Variants in ROBO2 observed in about 807,000 individuals in gnomAD.
ROBO2 encodes the protein roundabout guidance receptor 2.
In ROBO2, 53 loss-of-function variants were observed where a neutral mutation model predicts 160.8. That is an observed-to-expected ratio of 0.33 (90% CI 0.26 to 0.41). The LOEUF (loss-of-function observed/expected upper bound fraction) is 0.41. Ranked by LOEUF, ROBO2 falls within the 10% of genes least tolerant of loss-of-function variation. The pLI, the probability that ROBO2 is intolerant of heterozygous loss-of-function variation, is 1.00. For synonymous variants in ROBO2, 664 were observed against 611.7 expected (o/e 1.09, Z -1.26); for missense variants, 1,577 against 1,722.4 (o/e 0.92, Z 1.49).
At chr3:77,287,004 C>T (rs2060647838) in intron 2 of ROBO2, among the ~76,000 whole-genome samples, 1 of 152,178 alleles carries the variant, frequency 6.6e-6, no homozygotes, top group South Asian at 2.1e-4. Context: ...GGTTGCCATT[C>T]GTTTGAGCTC....
intron 22 of ROBO2, among the ~76,000 whole-genome samples, chr3:77,621,447 A>G (rs2094898615): frequency 6.6e-6 from 1 of 151,878 alleles, no homozygotes; most frequent in Non-Finnish European, 1.5e-5. Context: ...AAATAAATAA[A>G]TAAATAAATA....
chr3:76,214,016 C>T (rs1179274584), intron 2 of ROBO2, among the ~76,000 whole-genome samples: 2 of 152,030 alleles, frequency 1.3e-5, no homozygotes, highest in East Asian at 1.9e-4. Context: ...CCAGAAGCAC[C>T]CTCACAGATG....
intron 2 of ROBO2, among the ~76,000 whole-genome samples, chr3:76,993,059 C>T (rs1171165065): frequency 6.6e-6 from 1 of 152,108 alleles, no homozygotes; most frequent in Admixed American, 6.5e-5. Context: ...CTCAAGTGAG[C>T]CACCTGCCTC....
intron 2 of ROBO2, among the ~76,000 whole-genome samples, chr3:76,073,357 G>A (rs6795962): frequency 1.6e-5 from 2 of 123,796 alleles, no homozygotes; most frequent in Non-Finnish European, 3.2e-5. Context: ...GCAGGGGCGC[G>A]ATCTGGGCTC....
chr3:76,319,131 T>C (rs1289948445), intron 2 of ROBO2, among the ~76,000 whole-genome samples: 1 of 152,164 alleles, frequency 6.6e-6, no homozygotes, highest in Non-Finnish European at 1.5e-5. Flanking sequence ...AAAGTTATCT[T>C]TCAGCCATTC....
chr3:77,623,120 AT>A (rs1016253811), intron 23 of ROBO2, among the ~76,000 whole-genome samples: 2 of 152,160 alleles, frequency 1.3e-5, no homozygotes, highest in Non-Finnish European at 2.9e-5. Context: ...AAATGTACCA[AT>A]TTTTTTAAAG....
At chr3:76,151,334 A>G (rs901390244) in intron 2 of ROBO2, among the ~76,000 whole-genome samples, 4 of 152,144 alleles carry the variant, frequency 2.6e-5, no homozygotes, top group African/African-American at 7.2e-5. Flanking sequence ...CCCCTCTAAA[A>G]TGGGATACAT....
At chr3:76,543,819 C>T (rs1254048580) in intron 2 of ROBO2, among the ~76,000 whole-genome samples, 9 of 151,750 alleles carry the variant, frequency 5.9e-5, no homozygotes, top group African/African-American at 1.9e-4. Flanking sequence ...TTTTTGAAAT[C>T]CCTGTTGTCA....
chr3:76,904,652 A>T (rs889141088), intron 2 of ROBO2, among the ~76,000 whole-genome samples: 1 of 152,102 alleles, frequency 6.6e-6, no homozygotes, highest in Non-Finnish European at 1.5e-5. Flanking sequence ...AGGGTCTGGG[A>T]TTTAAGAACA....
intron 2 of ROBO2, among the ~76,000 whole-genome samples, chr3:76,849,537 T>C: frequency 6.6e-6 from 1 of 152,204 alleles, no homozygotes; most frequent in East Asian, 1.9e-4. Flanking sequence ...CAACATAAGC[T>C]ATCTCCCAAA....
intron 2 of ROBO2, among the ~76,000 whole-genome samples, chr3:77,359,183 T>C (rs1282476069): frequency 1.3e-5 from 2 of 152,202 alleles, no homozygotes; most frequent in African/African-American, 4.8e-5. Context: ...TTTTATTCGT[T>C]TCTCAGGGAC....
At chr3:76,870,010 ACATAATACACC>A (rs2071858008) in intron 2 of ROBO2, among the ~76,000 whole-genome samples, 2 of 152,140 alleles carry the variant, frequency 1.3e-5, no homozygotes. Flanking sequence ...ACCCCAAATC[ACATAATACACC>A]CAGTTTCCTA....
chr3:76,798,268 G>GAAAGA (rs1560580655), intron 2 of ROBO2, among the ~76,000 whole-genome samples: 2 of 121,808 alleles, frequency 1.6e-5, no homozygotes, highest in East Asian at 2.4e-4. Flanking sequence ...AGGAAAGAAA[G>GAAAGA]AAAGAAAGAA....
intron 2 of ROBO2, among the ~76,000 whole-genome samples, chr3:76,622,191 A>AAAGGAAGGAAGGAAGG (rs1163132103): frequency 2.1e-4 from 14 of 65,932 alleles, no homozygotes; most frequent in Admixed American, 5.4e-4. Flanking sequence ...TAAAAAAAAG[A>AAAGGAAGGAAGGAAGG]AAGGAAGGAA....
Position 76,647,266 on chromosome 3 carries a change from T to G in ROBO2, c.110-450748T>G, listed in dbSNP as rs998179147. ...GGGGGAAATGCAAACTGGATTCCAC[T>G]GCTGCTACAAGAAATTTCCGTGGTT... On this transcript the variant is annotated intron_variant, in intron 2 of 26. Transcript: ENST00000487694. Among the ~76,000 whole-genome samples, 5 of 152,288 alleles carry G rather than the reference T, an allele frequency of 3.3e-5. 1 individual carries two copies. Among genetic ancestry groups the G allele is most frequent in the Middle Eastern group, 6.8e-3 (2 of 294 alleles).
At chr3:75,997,695 G>A (rs548954524) in intron 2 of ROBO2, among the ~76,000 whole-genome samples, 41 of 151,978 alleles carry the variant, frequency 2.7e-4, no homozygotes, top group Non-Finnish European at 5.0e-4. Context: ...GGGTTTCACC[G>A]TGTTAGACAG....
intron 2 of ROBO2, among the ~76,000 whole-genome samples, chr3:76,151,520 T>A (rs1024055629): frequency 6.6e-6 from 1 of 152,160 alleles, no homozygotes; most frequent in African/African-American, 2.4e-5. Flanking sequence ...CTATTTCTGC[T>A]GGCTGGGGCT....
chr3:76,691,193 C>T (rs2092794360), intron 2 of ROBO2, among the ~76,000 whole-genome samples: 1 of 152,022 alleles, frequency 6.6e-6, no homozygotes, highest in Non-Finnish European at 1.5e-5. Context: ...GGGCTCCTAA[C>T]AAAGGAATAA....
chr3:77,321,821 T>C (rs977678274), intron 2 of ROBO2, among the ~76,000 whole-genome samples: 6 of 151,830 alleles, frequency 4.0e-5, no homozygotes, highest in African/African-American at 1.2e-4. Flanking sequence ...CTAATGGAAA[T>C]ATGTACAACA....
Sources: gnomAD v4.1 joint callset for allele counts (sites outside exome capture counted in the v4.1 genomes callset) on GRCh38, gnomAD v4.1.1 for gene constraint, MANE v1.5 for transcripts, NCBI Gene and HGNC (gene_info 2026-07-23, HGNC 2026-07-21) for gene names.